SUGCT: variants seen among roughly 807,000 people sequenced by gnomAD.
SUGCT encodes the protein succinyl-CoA:glutarate CoA-transferase.
SUGCT carries 41 observed loss-of-function variants against 55.0 expected under a neutral mutation model. That is an observed-to-expected ratio of 0.74 (90% CI 0.58 to 0.97). The LOEUF (loss-of-function observed/expected upper bound fraction) is 0.97. SUGCT is among the 50% of genes least tolerant of loss of function. The pLI, the probability that SUGCT is intolerant of heterozygous loss-of-function variation, is 0.00. For synonymous variants in SUGCT, 187 were observed against 200.4 expected, an observed-to-expected ratio of 0.93 and a Z score of 0.56; for missense variants, 568 against 547.8, an observed-to-expected ratio of 1.04 and a Z score of -0.37.
In SUGCT at chr7:40,697,615, G is replaced by A. The variant is rs2128658291; in HGVS notation, c.1090-51819G>A. Among the ~76,000 whole-genome samples the A allele has an allele frequency of 1.3e-5, 2 of 152,272 alleles. 1 individual carries two copies. The highest frequency in any genetic ancestry group is 4.1e-4 in the South Asian group (2 of 4,824). ...GTCATGCCACTGCACTCCAGCCTGG[G>A]TGACAGAATGAGACTCCATCTCAAA... On this transcript the variant is annotated intron_variant, in intron 12 of 13. Coordinates refer to ENST00000335693, the MANE Select transcript of SUGCT (RefSeq NM_001193313.2).
chr7:40,306,492 A>T (rs1293441478), intron 8 of SUGCT, among the ~76,000 whole-genome samples: 1 of 152,254 alleles, frequency 6.6e-6, no homozygotes, highest in Non-Finnish European at 1.5e-5. Flanking sequence ...ATTGCCTTGC[A>T]TATAATAATT....
chr7:40,984,640 C>G, the SUGCT span, among the ~76,000 whole-genome samples: 4 of 152,144 alleles, frequency 2.6e-5, no homozygotes, highest in South Asian at 8.3e-4. Flanking sequence ...AAGACTCCTT[C>G]CATCTGTGAT....
intron 9 of SUGCT, among the ~76,000 whole-genome samples, chr7:40,377,550 A>G (rs878902439): frequency 6.6e-6 from 1 of 151,988 alleles, no homozygotes; most frequent in Admixed American, 6.6e-5. Context: ...GACTTCAGCC[A>G]TTATTCTTTA....
chr7:40,407,491 T>C (rs1786436390), intron 9 of SUGCT, among the ~76,000 whole-genome samples: 1 of 152,044 alleles, frequency 6.6e-6, no homozygotes, highest in Non-Finnish European at 1.5e-5. Context: ...AAGTACGTCA[T>C]CATTTATGGT....
intron 6 of SUGCT, among the ~76,000 whole-genome samples, chr7:40,214,864 A>G (rs1402029494): frequency 6.6e-6 from 1 of 151,874 alleles, no homozygotes; most frequent in Non-Finnish European, 1.5e-5. Context: ...CAGTGAGCCG[A>G]GACCACGCCA....
intron 8 of SUGCT, among the ~76,000 whole-genome samples, chr7:40,316,176 A>T (rs2151109002): frequency 6.6e-6 from 1 of 152,322 alleles, no homozygotes; most frequent in East Asian, 1.9e-4. Context: ...TCCACTAATT[A>T]ATTTTAAAAA....
At chr7:40,284,286 A>G (rs900136080) in intron 8 of SUGCT, among the ~76,000 whole-genome samples, 3 of 152,132 alleles carry the variant, frequency 2.0e-5, no homozygotes, top group Non-Finnish European at 2.9e-5. Context: ...TAGATCTTAA[A>G]TGTTCTTATC....
intron 12 of SUGCT, among the ~76,000 whole-genome samples, chr7:40,549,684 A>G (rs1795199616): frequency 6.6e-6 from 1 of 152,208 alleles, no homozygotes; most frequent in South Asian, 2.1e-4. Flanking sequence ...TGAATGATAA[A>G]TATGATTTAG....
chr7:40,550,000 T>C (rs1300041687), intron 12 of SUGCT, among the ~76,000 whole-genome samples: 1 of 152,184 alleles, frequency 6.6e-6, no homozygotes, highest in Non-Finnish European at 1.5e-5. Flanking sequence ...ACTTTGATCT[T>C]GTCACAAAAG....
intron 9 of SUGCT, among the ~76,000 whole-genome samples, chr7:40,415,892 A>G (rs1045219878): frequency 6.6e-6 from 1 of 152,016 alleles, no homozygotes; most frequent in African/African-American, 2.4e-5. Context: ...GTTTTAATAG[A>G]TGGGAGTCTT....
In SUGCT at chr7:40,666,426, T is replaced by TG. The variant is rs1329624030; in HGVS notation, c.1090-83008_1090-83007insG. ...AAGTAGGGTTATAGGTTAGTTTTTT[T>TG]TTTTTTTTTTTTTTTTTTGGTGGGT... On this transcript the variant is annotated intron_variant, in intron 12 of 13. Coordinates refer to ENST00000335693, the MANE Select transcript of SUGCT (RefSeq NM_001193313.2). Among the ~76,000 whole-genome samples the TG allele has an allele frequency of 3.9e-3, 562 of 144,956 alleles. 4 individuals carry two copies. The highest frequency in any genetic ancestry group is 0.01 in the African/African-American group (394 of 38,668).
intron 12 of SUGCT, among the ~76,000 whole-genome samples, chr7:40,667,578 C>CT (rs141927833): frequency 0.04 from 5,421 of 135,464 alleles, 125 homozygotes; most frequent in Middle Eastern, 0.098. Flanking sequence ...TGGCCCAGGG[C>CT]TTTTTTTTTT....
intron 12 of SUGCT, among the ~76,000 whole-genome samples, chr7:40,693,105 T>C (rs1784768996): frequency 6.6e-6 from 1 of 152,198 alleles, no homozygotes; most frequent in Admixed American, 6.5e-5. Context: ...TCCGCCCTAG[T>C]AGCCATTGTT....
the SUGCT span, among the ~76,000 whole-genome samples, chr7:40,945,864 A>G: frequency 1.3e-5 from 2 of 152,130 alleles, no homozygotes; most frequent in East Asian, 3.9e-4. Context: ...GTGATGAGCA[A>G]TATCTGCAAG....
intron 13 of SUGCT, among the ~76,000 whole-genome samples, chr7:40,795,262 G>A (rs1790496129): frequency 6.6e-6 from 1 of 152,134 alleles, no homozygotes; most frequent in South Asian, 2.1e-4. Context: ...GTAGTTAGCA[G>A]AGAGCCAAGA....
chr7:40,772,253 T>TA (rs1233705834), intron 13 of SUGCT, among the ~76,000 whole-genome samples: 2 of 152,180 alleles, frequency 1.3e-5, no homozygotes, highest in Non-Finnish European at 2.9e-5. Flanking sequence ...ATATTCCTGT[T>TA]ACCACCTGCT....
intron 8 of SUGCT, among the ~76,000 whole-genome samples, chr7:40,303,975 G>A (rs185894362): frequency 6.6e-6 from 1 of 151,778 alleles, no homozygotes; most frequent in Admixed American, 6.6e-5. Flanking sequence ...ATTGAACTCG[G>A]GAGGTGGAGG....
At chr7:40,910,894 G>T in the SUGCT span, among the ~76,000 whole-genome samples, 1 of 152,114 alleles carries the variant, frequency 6.6e-6, no homozygotes, top group African/African-American at 2.4e-5. Context: ...AAGTCAAAAT[G>T]ACTTTACAAA....
intron 9 of SUGCT, among the ~76,000 whole-genome samples, chr7:40,343,110 G>A (rs1474240370): frequency 6.6e-6 from 1 of 152,086 alleles, no homozygotes; most frequent in Non-Finnish European, 1.5e-5. Context: ...CTATGCTCTG[G>A]AGGAAGTTCC....
Sources: allele counts gnomAD v4.1 joint callset (sites outside exome capture counted in the v4.1 genomes callset), GRCh38; gene constraint gnomAD v4.1.1; transcripts MANE v1.5; gene names NCBI Gene and HGNC (gene_info 2026-07-23, HGNC 2026-07-21).